The following MCC variants were observed in gnomAD, a reference collection of about 807,000 sequenced individuals.
MCC encodes the protein MCC regulator of Wnt signaling pathway, also known as colorectal mutant cancer protein.
In MCC, 90 loss-of-function variants were observed where a neutral mutation model predicts 116.2. The ratio of observed to expected loss-of-function variants is 0.77; its 90% CI spans 0.65 to 0.92. The LOEUF (loss-of-function observed/expected upper bound fraction) is 0.92. Ranked by LOEUF, MCC falls within the 40% of genes least tolerant of loss-of-function variation. MCC has a pLI of 0.00. For missense variants in MCC, 1,516 were observed against 1,312.2 expected (o/e 1.16, Z -2.40); for synonymous variants, 578 against 510.5 (o/e 1.13, Z -1.78).
At chr5:113,221,611 T>G (rs1763554773) in intron 3 of MCC, among the ~76,000 whole-genome samples, 1 of 152,184 alleles carries the variant, frequency 6.6e-6, no homozygotes. Context: ...AAACCTAAGA[T>G]CAGTGGTTGA....
At chr5:113,156,909 G>A (rs1760202039) in intron 3 of MCC, among the ~76,000 whole-genome samples, 1 of 152,138 alleles carries the variant, frequency 6.6e-6, no homozygotes, top group African/African-American at 2.4e-5. Flanking sequence ...CTGACTCTAA[G>A]GACAAGCCCT....
chr5:113,145,795 CACACACACACAA>C (rs2150287867), intron 4 of MCC, among the ~76,000 whole-genome samples: 1 of 78,738 alleles, frequency 1.3e-5, no homozygotes, highest in South Asian at 4.5e-4. Context: ...AACACACACA[CACACACACACAA>C]AAGACCCTGT....
intron 3 of MCC, among the ~76,000 whole-genome samples, chr5:113,331,450 T>C (rs1767694146): frequency 6.6e-6 from 1 of 151,688 alleles, no homozygotes; most frequent in Middle Eastern, 3.2e-3. Context: ...TCAGGAAATC[T>C]ACCCTACAGT....
intron 1 of MCC, among the ~76,000 whole-genome samples, chr5:113,470,481 C>A (rs1714035549): frequency 6.6e-6 from 1 of 152,084 alleles, no homozygotes; most frequent in South Asian, 2.1e-4. Flanking sequence ...GTTGAAAATT[C>A]TTTTCTTTAA....
At chr5:113,433,347 C>A in intron 1 of MCC, 1 of 397,518 alleles carries the variant, frequency 2.5e-6, no homozygotes, top group South Asian at 2.2e-5. Context: ...CACGCAACTG[C>A]CCCGGGGACG....
chr5:113,188,676 C>A (rs1335036154), intron 3 of MCC, among the ~76,000 whole-genome samples: 1 of 152,172 alleles, frequency 6.6e-6, no homozygotes, highest in East Asian at 1.9e-4. Context: ...AGTATGCACA[C>A]ATCACCCTGT....
chr5:113,467,378 G>C (rs1261953205), intron 1 of MCC, among the ~76,000 whole-genome samples: 2 of 151,664 alleles, frequency 1.3e-5, no homozygotes, highest in African/African-American at 2.4e-5. Context: ...GTAAGGAAGG[G>C]ATCCAGTTTC....
At chr5:113,201,934 A>G (rs1762699220) in intron 3 of MCC, among the ~76,000 whole-genome samples, 1 of 152,132 alleles carries the variant, frequency 6.6e-6, no homozygotes, top group Admixed American at 6.5e-5. Flanking sequence ...CACTCCAGCC[A>G]ATAAAGGGGC....
At chr5:113,033,058 A>C (rs964159052) in intron 17 of MCC, among the ~76,000 whole-genome samples, 8 of 152,254 alleles carry the variant, frequency 5.3e-5, no homozygotes, top group Admixed American at 6.5e-5. Flanking sequence ...CTTTCCTAAT[A>C]AACTTGCTTT....
chr5:113,184,583 C>T (rs1761804777), intron 3 of MCC, among the ~76,000 whole-genome samples: 1 of 150,780 alleles, frequency 6.6e-6, no homozygotes, highest in Non-Finnish European at 1.5e-5. Context: ...CTGCCTCAGC[C>T]TCTCAAAGTG....
chr5:113,279,166 C>G (rs1425562898), intron 3 of MCC, among the ~76,000 whole-genome samples: 2 of 152,128 alleles, frequency 1.3e-5, no homozygotes, highest in Non-Finnish European at 2.9e-5. Context: ...ATTCCAATTG[C>G]TGTGTTAAGT....
chr5:113,341,582 GA>G (rs1768013306), intron 2 of MCC, among the ~76,000 whole-genome samples: 1 of 152,202 alleles, frequency 6.6e-6, no homozygotes, highest in South Asian at 2.1e-4. Context: ...CTGGGCAATA[GA>G]ATATGAACAG....
At chr5:113,386,426 TC>T (rs1283582176) in intron 1 of MCC, among the ~76,000 whole-genome samples, 2 of 152,036 alleles carry the variant, frequency 1.3e-5, no homozygotes, top group Non-Finnish European at 2.9e-5. Context: ...TCTCATTCAC[TC>T]CTCCTTATCC....
chr5:113,103,248 T>C (rs1408222154), intron 7 of MCC, among the ~76,000 whole-genome samples: 2 of 152,236 alleles, frequency 1.3e-5, no homozygotes, highest in Non-Finnish European at 2.9e-5. Flanking sequence ...ACTTTTCCCA[T>C]GTGCTGCTTT....
chr5:113,091,455 C>T (rs184774333), intron 8 of MCC, among the ~76,000 whole-genome samples: 2 of 152,206 alleles, frequency 1.3e-5, no homozygotes, highest in East Asian at 3.9e-4. Flanking sequence ...TGAATTCACC[C>T]TAGGGGAAAT....
intron 8 of MCC, among the ~76,000 whole-genome samples, chr5:113,099,498 T>C (rs1756262340): frequency 6.6e-6 from 1 of 152,260 alleles, no homozygotes; most frequent in South Asian, 2.1e-4. Context: ...ACTAATTTTT[T>C]GAGCATTTAC....
chr5:113,423,455 C>G (rs542594860), intron 1 of MCC, among the ~76,000 whole-genome samples: 40 of 152,284 alleles, frequency 2.6e-4, no homozygotes, highest in African/African-American at 9.4e-4. Context: ...CCCCTAGAAG[C>G]AACAATTCAA....
At chr5:113,054,049 C>T (rs1034435704) in intron 14 of MCC, 90 bp from the exon 15 acceptor site, 16 of 960,262 alleles carry the variant, frequency 1.7e-5, no homozygotes, top group Non-Finnish European at 2.1e-5. Context: ...CTCCACATTC[C>T]CTCTCCCCAG....
chr5:113,394,278 T>C (rs922635345), intron 1 of MCC, among the ~76,000 whole-genome samples: 1 of 152,136 alleles, frequency 6.6e-6, no homozygotes, highest in African/African-American at 2.4e-5. Flanking sequence ...ATCCATTCCG[T>C]CCTGATCATC....
Sources: allele counts gnomAD v4.1 joint callset (sites outside exome capture counted in the v4.1 genomes callset), GRCh38; gene constraint gnomAD v4.1.1; transcripts MANE v1.5; gene names NCBI Gene and HGNC (gene_info 2026-07-23, HGNC 2026-07-21).